The following CERKL variants were observed in gnomAD, a reference collection of about 807,000 sequenced individuals.
CERKL encodes the protein CERK like autophagy regulator.
CERKL carries 61 observed loss-of-function variants against 63.4 expected under a neutral mutation model. The observed-to-expected ratio is 0.96, with a 90% CI of 0.78 to 1.19. CERKL has a LOEUF of 1.19. Ranked by LOEUF, CERKL falls within the 50% of genes most tolerant of loss-of-function variation. The pLI is 0.00. For missense variants in CERKL, 675 were observed against 655.5 expected, an observed-to-expected ratio of 1.03 and a Z score of -0.33; for synonymous variants, 250 against 230.5, an observed-to-expected ratio of 1.08 and a Z score of -0.77.
intron 11 of CERKL, among the ~76,000 whole-genome samples, chr2:181,543,450 T>A (rs1213097834): frequency 6.6e-6 from 1 of 152,180 alleles, no homozygotes; most frequent in Non-Finnish European, 1.5e-5. Context: ...TTTTTATGAT[T>A]TAAGTTCCTA....
chr2:181,624,807 A>G (rs1686613401), intron 1 of CERKL, among the ~76,000 whole-genome samples: 1 of 152,230 alleles, frequency 6.6e-6, no homozygotes, highest in South Asian at 2.1e-4. Context: ...TGAAGTTCCC[A>G]CTTACTGAAA....
At chr2:181,636,291 T>A (rs567719289) in intron 1 of CERKL, among the ~76,000 whole-genome samples, 1 of 152,258 alleles carries the variant, frequency 6.6e-6, no homozygotes, top group South Asian at 2.1e-4. Flanking sequence ...ATTATTTATT[T>A]CCCTTTTAAG....
intron 8 of CERKL, chr2:181,548,270 A>C: frequency 1.9e-6 from 1 of 521,848 alleles, no homozygotes; most frequent in Non-Finnish European, 3.4e-6. Context: ...AAAAAAACAA[A>C]GGAAAGGAAA....
At chr2:181,630,868 A>G (rs1686928227) in intron 1 of CERKL, among the ~76,000 whole-genome samples, 1 of 152,216 alleles carries the variant, frequency 6.6e-6, no homozygotes, top group Non-Finnish European at 1.5e-5. Flanking sequence ...TCGTATTGCC[A>G]TATCAAGGAA....
intron 1 of CERKL, among the ~76,000 whole-genome samples, chr2:181,604,595 A>G (rs760152171): frequency 9.9e-5 from 15 of 152,234 alleles, no homozygotes; most frequent in Non-Finnish European, 7.3e-5. Context: ...ACATAAACAA[A>G]GCGACATTTT....
chr2:181,603,673 G>C, intron 2 of CERKL, 164 bp downstream of exon 2: 1 of 763,472 alleles, frequency 1.3e-6, no homozygotes, highest in Admixed American at 1.8e-5. Flanking sequence ...AATTAATGTA[G>C]AAAAAGTATT....
At chr2:181,625,983 G>A (rs1686685702) in intron 1 of CERKL, among the ~76,000 whole-genome samples, 2 of 152,108 alleles carry the variant, frequency 1.3e-5, no homozygotes, top group Non-Finnish European at 2.9e-5. Context: ...GTCAGTGAAT[G>A]CTCACTACAC....
At chr2:181,547,088 G>T (rs1257907457) in intron 10 of CERKL, among the ~76,000 whole-genome samples, 1 of 152,136 alleles carries the variant, frequency 6.6e-6, no homozygotes, top group African/African-American at 2.4e-5. Flanking sequence ...TGTGAGATGT[G>T]ACTTTCATCT....
At chr2:181,557,714 T>A (rs1183480807) in intron 5 of CERKL, among the ~76,000 whole-genome samples, 1 of 152,178 alleles carries the variant, frequency 6.6e-6, no homozygotes, top group Non-Finnish European at 1.5e-5. Flanking sequence ...CTACTGCTTA[T>A]CAAATACAAT....
At chr2:181,613,550 T>A (rs905351825) in intron 1 of CERKL, among the ~76,000 whole-genome samples, 2 of 152,222 alleles carry the variant, frequency 1.3e-5, no homozygotes, top group Non-Finnish European at 2.9e-5. Flanking sequence ...ACACGAATGG[T>A]CTTTTTGCCA....
chr2:181,557,779 C>T (rs1411999520), intron 5 of CERKL, among the ~76,000 whole-genome samples: 2 of 152,116 alleles, frequency 1.3e-5, no homozygotes, highest in Non-Finnish European at 2.9e-5. Context: ...TATTTTGATA[C>T]CATTATCTTC....
intron 1 of CERKL, among the ~76,000 whole-genome samples, chr2:181,629,505 T>G (rs1686858415): frequency 6.6e-6 from 1 of 152,110 alleles, no homozygotes; most frequent in South Asian, 2.1e-4. Flanking sequence ...GGTAATTACT[T>G]ATTGGCAAGA....
chr2:181,589,136 C>A (rs1160877322), intron 2 of CERKL, among the ~76,000 whole-genome samples: 3 of 152,128 alleles, frequency 2.0e-5, no homozygotes, highest in Non-Finnish European at 2.9e-5. Flanking sequence ...AAGTTCACAT[C>A]TTAAAAATGA....
Position 181,624,865 on chromosome 2 carries a change from G to A in CERKL, c.239-20786C>T, listed in dbSNP as rs1176770474. Among the ~76,000 whole-genome samples the A allele has an allele frequency of 2.0e-5, 3 of 152,334 alleles. No homozygotes were observed. In the East Asian group the frequency reaches 5.8e-4, roughly 29 times the overall value. On this transcript the variant is annotated intron_variant, in intron 1 of 12. Coordinates refer to ENST00000410087, the MANE Select transcript of CERKL (RefSeq NM_201548.5). ...ATATTTAGAGGCTGCAGGAGAAAAT[G>A]TGGAGTTTGTTGTAGAACATAAGTT... is the stretch of plus-strand genomic sequence containing the variant.
intron 4 of CERKL, among the ~76,000 whole-genome samples, chr2:181,559,544 G>A (rs191230424): frequency 3.6e-4 from 55 of 152,286 alleles, no homozygotes; most frequent in Non-Finnish European, 4.9e-4. Flanking sequence ...ATCTAAAGGC[G>A]CAGCCACTTC....
At chr2:181,539,346 A>C in intron 11 of CERKL, 82 bp from the exon 12 acceptor site, 6 of 871,400 alleles carry the variant, frequency 6.9e-6, no homozygotes, top group South Asian at 1.4e-5. Context: ...GCCCTCTCTC[A>C]CAAGTAAATA....
intron 5 of CERKL, among the ~76,000 whole-genome samples, chr2:181,552,813 TTAA>T (rs1688043518): frequency 1.3e-5 from 2 of 152,300 alleles, no homozygotes; most frequent in African/African-American, 4.8e-5. Flanking sequence ...TTTTGTCCAT[TTAA>T]AAATAAGGAT....
In CERKL at chr2:181,603,866, CA is replaced by C; in HGVS notation, c.451del (p.Trp151GlyfsTer19). The C allele has an allele frequency of 6.2e-7, 1 of 1,613,208 alleles. No homozygotes were observed. Among genetic ancestry groups the C allele is most frequent in the Non-Finnish European group, 8.5e-7 (1 of 1,179,494 alleles). ...INLSEDHCDI[W>X]FRQFKKILAG... is the part of the protein sequence containing the mutation. Reference sequence around the variant, plus strand: ...CAATATTTTCTTGAACTGTCTAAACCATATGTCACAGTGGTCTTCACTTAAA... The same window carrying C: ...CAATATTTTCTTGAACTGTCTAAACCTATGTCACAGTGGTCTTCACTTAAA... On this transcript the variant is annotated frameshift_variant, in exon 2 of 13. Transcript: ENST00000410087. LOFTEE classifies it high-confidence loss of function.
chr2:181,652,385 C>T (rs1687979396), intron 1 of CERKL, among the ~76,000 whole-genome samples: 1 of 152,090 alleles, frequency 6.6e-6, no homozygotes, highest in African/African-American at 2.4e-5. Context: ...CAAGAACATG[C>T]ACTGGGAAAA....
Sources: allele counts gnomAD v4.1 joint callset (sites outside exome capture counted in the v4.1 genomes callset), GRCh38; gene constraint gnomAD v4.1.1; transcripts MANE v1.5; gene names NCBI Gene and HGNC (gene_info 2026-07-23, HGNC 2026-07-21).